Variants in KCNB2 observed in about 807,000 individuals in gnomAD.
The protein encoded by KCNB2 is delayed rectifier potassium channel protein.
A neutral mutation model predicts 61.5 loss-of-function variants in KCNB2; 15 were observed. The observed-to-expected ratio is 0.24, with a 90% CI of 0.16 to 0.38. KCNB2 has a LOEUF of 0.38. Among genes scored for constraint, KCNB2 ranks in the 10% least tolerant of loss-of-function variants. The pLI, the probability that KCNB2 is intolerant of heterozygous loss-of-function variation, is 1.00. For synonymous variants in KCNB2, 457 were observed against 446.0 expected (o/e 1.02, Z -0.31); for missense variants, 828 against 1,125.2 (o/e 0.74, Z 3.78).
intron 1 of KCNB2, among the ~76,000 whole-genome samples, chr8:72,561,721 A>ATG (rs1554576117): frequency 3.0e-4 from 7 of 23,630 alleles, no homozygotes; most frequent in East Asian, 2.6e-3. Context: ...ATATATATAT[A>ATG]TATATATCTA....
At chr8:72,653,349 A>G (rs1376887370) in intron 2 of KCNB2, among the ~76,000 whole-genome samples, 2 of 152,066 alleles carry the variant, frequency 1.3e-5, no homozygotes, top group African/African-American at 2.4e-5. Context: ...ACTTTATCCC[A>G]GGTTCTTCTC....
intron 2 of KCNB2, among the ~76,000 whole-genome samples, chr8:72,582,383 A>G (rs1806917427): frequency 6.6e-6 from 1 of 152,198 alleles, no homozygotes; most frequent in African/African-American, 2.4e-5. Flanking sequence ...TCCCTGTCTC[A>G]GATGTTGCAC....
At chr8:72,787,489 T>C (rs200626216) in intron 2 of KCNB2, among the ~76,000 whole-genome samples, 1 of 104,160 alleles carries the variant, frequency 9.6e-6, no homozygotes, top group Non-Finnish European at 2.1e-5. Context: ...TGTGGCTGAA[T>C]TTTTTTTTTC....
intron 1 of KCNB2, among the ~76,000 whole-genome samples, chr8:72,561,691 TTATATATATATATATATATATATA>T (rs1172254677): frequency 1.0e-4 from 2 of 19,406 alleles, no homozygotes; most frequent in African/African-American, 2.8e-4. Context: ...GATCTTACTT[TTATATATATATATATATATATATA>T]TATATATATA....
At chr8:72,783,930 T>C (rs924663131) in intron 2 of KCNB2, among the ~76,000 whole-genome samples, 1 of 152,146 alleles carries the variant, frequency 6.6e-6, no homozygotes, top group Non-Finnish European at 1.5e-5. Flanking sequence ...TCTGGTTAAA[T>C]CCTATCATCC....
intron 2 of KCNB2, among the ~76,000 whole-genome samples, chr8:72,613,808 T>A (rs10957608): frequency 2.6e-5 from 4 of 152,138 alleles, no homozygotes; most frequent in Non-Finnish European, 4.4e-5. Flanking sequence ...TTTCTTCTGC[T>A]GTAAATTCAG....
At chr8:72,723,238 A>G (rs1807580970) in intron 2 of KCNB2, among the ~76,000 whole-genome samples, 1 of 152,206 alleles carries the variant, frequency 6.6e-6, no homozygotes, top group Non-Finnish European at 1.5e-5. Context: ...TCCATGCCTC[A>G]CTTTAAGTAG....
In KCNB2 at chr8:72,568,286, G is replaced by A. The variant is rs1408962317; in HGVS notation, c.552G>A (p.Glu184=). 1 of 1,612,416 alleles carries A rather than the reference G, an allele frequency of 6.2e-7. No homozygotes were observed. Among genetic ancestry groups the A allele is most frequent in the African/African-American group, 1.3e-5 (1 of 74,786 alleles). ...GGAAGAAACTGTGGGACTTGCTGGA[G>A]AAACCTAACTCATCAGTGGCTGCAA... ...DKRKKLWDLL[E]KPNSSVAAKI... is the part of the protein sequence containing the mutation. Residue 184 remains glutamate (E), a synonymous_variant, in exon 2 of 3, where the codon GAG becomes GAA. Coordinates refer to ENST00000523207, the MANE Select transcript of KCNB2 (RefSeq NM_004770.3).
intron 2 of KCNB2, among the ~76,000 whole-genome samples, chr8:72,922,549 A>G (rs576828722): frequency 6.6e-6 from 1 of 152,312 alleles, no homozygotes; most frequent in East Asian, 1.9e-4. Context: ...TCAAAGATGG[A>G]GCATCACTGA....
chr8:72,699,662 T>G (rs1807081935), intron 2 of KCNB2, among the ~76,000 whole-genome samples: 1 of 152,206 alleles, frequency 6.6e-6, no homozygotes, highest in Admixed American at 6.6e-5. Flanking sequence ...CATCATGAAG[T>G]CTTTGCCATG....
At chr8:72,699,853 C>G (rs992819142) in intron 2 of KCNB2, among the ~76,000 whole-genome samples, 1 of 152,010 alleles carries the variant, frequency 6.6e-6, no homozygotes, top group African/African-American at 2.4e-5. Context: ...GGTATATACC[C>G]AAAGGATTAT....
chr8:72,594,669 T>C (rs1470490232), intron 2 of KCNB2, among the ~76,000 whole-genome samples: 3 of 152,194 alleles, frequency 2.0e-5, no homozygotes, highest in Non-Finnish European at 4.4e-5. Flanking sequence ...TTTCCATACC[T>C]GAGAATCATT....
chr8:72,712,492 GT>G (rs1289254389), intron 2 of KCNB2, among the ~76,000 whole-genome samples: 1 of 152,200 alleles, frequency 6.6e-6, no homozygotes, highest in Non-Finnish European at 1.5e-5. Flanking sequence ...GGATAATGTG[GT>G]TTTCTTTGGT....
intron 2 of KCNB2, among the ~76,000 whole-genome samples, chr8:72,914,784 A>G (rs982318433): frequency 6.6e-6 from 1 of 152,230 alleles, no homozygotes; most frequent in African/African-American, 2.4e-5. Flanking sequence ...GAGTTTATTC[A>G]TGAAGCACCT....
At chr8:72,720,684 C>T (rs1251171069) in intron 2 of KCNB2, among the ~76,000 whole-genome samples, 4 of 152,144 alleles carry the variant, frequency 2.6e-5, no homozygotes, top group Admixed American at 2.6e-4. Context: ...CAGTGACTAG[C>T]ACATAGTAGA....
chr8:72,733,018 A>G lies in KCNB2; in HGVS notation c.579+164705A>G, dbSNP rs780262626. On this transcript the variant is annotated intron_variant, in intron 2 of 2. Transcript: ENST00000523207. ...AAAAAAAAACAGAACAGATAAATGCATGAAAAGATAAATTAACATGTAAGA... is the reference window on the plus strand; with the variant it reads ...AAAAAAAAACAGAACAGATAAATGCGTGAAAAGATAAATTAACATGTAAGA... Among the ~76,000 whole-genome samples, 28 of 152,170 alleles carry G rather than the reference A, an allele frequency of 1.8e-4. 1 individual carries two copies. Among genetic ancestry groups the G allele is most frequent in the Admixed American group, 7.2e-4 (11 of 15,272 alleles).
intron 2 of KCNB2, among the ~76,000 whole-genome samples, chr8:72,848,495 A>T (rs1810039294): frequency 6.6e-6 from 1 of 152,096 alleles, no homozygotes; most frequent in Admixed American, 6.5e-5. Flanking sequence ...AAACATAGTC[A>T]TGTTCTTGAC....
chr8:72,719,936 C>T (rs557255617), intron 2 of KCNB2, among the ~76,000 whole-genome samples: 1 of 152,218 alleles, frequency 6.6e-6, no homozygotes, highest in South Asian at 2.1e-4. Context: ...CCAGTCTTTC[C>T]TGTCTGTATT....
chr8:72,918,795 A>C (rs931192466), intron 2 of KCNB2, among the ~76,000 whole-genome samples: 9 of 152,198 alleles, frequency 5.9e-5, no homozygotes, highest in African/African-American at 2.2e-4. Context: ...GCCAGGGCTC[A>C]TTGGGTTGCA....
Sources: allele counts gnomAD v4.1 joint callset (sites outside exome capture counted in the v4.1 genomes callset), GRCh38; gene constraint gnomAD v4.1.1; transcripts MANE v1.5; gene names NCBI Gene and HGNC (gene_info 2026-07-23, HGNC 2026-07-21).